Variants in RNF130 observed in about 807,000 individuals in gnomAD.
RNF130 encodes E3 ubiquitin-protein ligase RNF130.
Under a neutral mutation model 44.6 loss-of-function variants are expected in RNF130, and 21 were observed. The ratio of observed to expected loss-of-function variants is 0.47; its 90% CI spans 0.33 to 0.68. The LOEUF (loss-of-function observed/expected upper bound fraction) is 0.68, where lower values mean the gene tolerates loss of function less well. Among genes scored for constraint, RNF130 ranks in the 30% least tolerant of loss-of-function variants. RNF130 has a pLI of 0.02. For missense variants in RNF130, 479 were observed against 560.6 expected (o/e 0.85, Z 1.47); for synonymous variants, 214 against 210.4 (o/e 1.02, Z -0.15).
chr5:179,989,940 G>A (rs575412786), intron 3 of RNF130, among the ~76,000 whole-genome samples: 16 of 152,130 alleles, frequency 1.1e-4, no homozygotes, highest in Admixed American at 8.5e-4. Flanking sequence ...TCAACCTTTT[G>A]TTTCCATGTC....
At chr5:180,034,259 T>C (rs1764199561) in intron 2 of RNF130, among the ~76,000 whole-genome samples, 1 of 152,082 alleles carries the variant, frequency 6.6e-6, no homozygotes, top group Non-Finnish European at 1.5e-5. Context: ...CCATTTTATA[T>C]ATTACTAGAT....
At chr5:180,011,935 A>G (rs1346221617) in intron 3 of RNF130, among the ~76,000 whole-genome samples, 1 of 152,224 alleles carries the variant, frequency 6.6e-6, no homozygotes, top group Admixed American at 6.5e-5. Flanking sequence ...AATAAAAAAA[A>G]TTAAAAGTGC....
At chr5:180,006,807 C>T (rs934025960) in intron 3 of RNF130, among the ~76,000 whole-genome samples, 1 of 152,182 alleles carries the variant, frequency 6.6e-6, no homozygotes, top group African/African-American at 2.4e-5. Context: ...AGGTAACAAA[C>T]ATCTACCGTT....
chr5:179,934,983 A>T (rs1761867699), intron 7 of RNF130, among the ~76,000 whole-genome samples: 1 of 152,178 alleles, frequency 6.6e-6, no homozygotes, highest in African/African-American at 2.4e-5. Flanking sequence ...TCGAGATTTA[A>T]GGTCGCAGAT....
intron 2 of RNF130, among the ~76,000 whole-genome samples, chr5:180,022,876 A>G (rs1017765834): frequency 2.0e-5 from 3 of 152,222 alleles, no homozygotes; most frequent in African/African-American, 7.2e-5. Flanking sequence ...AGAATTTTAA[A>G]TGGGTGGGAA....
At position 180,071,673 on chromosome 5, in the gene RNF130, G is replaced by A. The variant is rs761151354; in HGVS notation, c.30C>T (p.Ala10=). The A allele has an allele frequency of 8.5e-6, 12 of 1,418,196 alleles. No individual in the cohort carries two copies. Among genetic ancestry groups the A allele is most frequent in the African/African-American group, 1.5e-5 (1 of 67,506 alleles). 87.9% of individuals were successfully genotyped at this position (1,418,196 alleles called of 1,614,324 possible). MSCAGRAGP[A]RLAALALLTC... ...TCAGCAGGGCGAGCGCGGCGAGCCG[G>A]GCAGGGCCCGCCCGCCCCGCGCAGC... Residue 10 remains alanine (A), a synonymous_variant, in exon 1 of 9, where the codon GCC becomes GCT. Transcript: ENST00000521389.
rs1234294533 is a variant in RNF130, at chr5:179,978,211, G to A, written c.840C>T (p.Leu280=). 5.0e-6 allele frequency: 8 copies of A among 1,612,174 alleles called. No homozygotes were observed. In the South Asian group the frequency reaches 5.5e-5, roughly 11 times the overall value. Residue 280 remains leucine, a synonymous_variant, in exon 5 of 9, where the codon CTC becomes CTT. Coordinates refer to ENST00000521389, the MANE Select transcript of RNF130 (RefSeq NM_018434.6). ...AAATGAAGTTGACATACTTGCAGGGGAGAATTCGGACGACATCATTCTGCT... is the reference window on the plus strand; with the variant it reads ...AAATGAAGTTGACATACTTGCAGGGAAGAATTCGGACGACATCATTCTGCT... ...SYKQNDVVRI[L]PCKHVFHKSC...
At chr5:180,005,791 C>T (rs141164790) in intron 3 of RNF130, among the ~76,000 whole-genome samples, 105 of 152,336 alleles carry the variant, frequency 6.9e-4, no homozygotes, top group African/African-American at 2.5e-3. Flanking sequence ...AGTATTTTGA[C>T]TGCATCTGTC....
rs990979798 is a variant in RNF130, at chr5:180,050,833, G to T, written c.248-10186C>A. 2.6e-5 allele frequency among the ~76,000 whole-genome samples: 4 copies of T among 152,184 alleles called. No individual in the cohort carries two copies. In the South Asian group the frequency reaches 8.3e-4, roughly 32 times the overall value. On this transcript the variant is annotated intron_variant, in intron 1 of 8. Transcript: ENST00000521389. ...TTTTTATTTTTATTTTTGGAGACAGGGTTTCACTCTGTCGCCCAGGGTGGA... is the reference window on the plus strand; with the variant it reads ...TTTTTATTTTTATTTTTGGAGACAGTGTTTCACTCTGTCGCCCAGGGTGGA...
chr5:180,065,914 T>C (rs1048746327), intron 1 of RNF130, among the ~76,000 whole-genome samples: 1 of 152,228 alleles, frequency 6.6e-6, no homozygotes, highest in African/African-American at 2.4e-5. Context: ...CTTTCAATTA[T>C]TGTCCAAATT....
intron 2 of RNF130, among the ~76,000 whole-genome samples, chr5:180,027,877 G>A (rs1321563305): frequency 1.3e-5 from 2 of 152,240 alleles, no homozygotes; most frequent in Non-Finnish European, 2.9e-5. Context: ...CTCTGTGGCT[G>A]CTGCCGGTGT....
chr5:180,046,352 A>C (rs1213418031), intron 1 of RNF130, among the ~76,000 whole-genome samples: 3 of 152,144 alleles, frequency 2.0e-5, no homozygotes, highest in Non-Finnish European at 2.9e-5. Flanking sequence ...GCGAGGAGGC[A>C]CCGAGAGCGA....
chr5:179,922,533 G>C (rs1012157053), intron 7 of RNF130, among the ~76,000 whole-genome samples: 3 of 151,696 alleles, frequency 2.0e-5, no homozygotes, highest in Non-Finnish European at 4.4e-5. Flanking sequence ...GGCTGGTCTC[G>C]AACTCCTGAG....
intron 2 of RNF130, among the ~76,000 whole-genome samples, chr5:180,020,457 C>G (rs1763845041): frequency 6.6e-6 from 1 of 152,186 alleles, no homozygotes; most frequent in African/African-American, 2.4e-5. Context: ...AAAGACCAAC[C>G]TGTAATTTTG....
chr5:180,045,213 T>C (rs780123315), intron 1 of RNF130, among the ~76,000 whole-genome samples: 1 of 152,220 alleles, frequency 6.6e-6, no homozygotes, highest in Non-Finnish European at 1.5e-5. Context: ...AAGAATAGTA[T>C]GTAAATATTT....
At chr5:179,992,876 C>A (rs1763118424) in intron 3 of RNF130, among the ~76,000 whole-genome samples, 1 of 152,130 alleles carries the variant, frequency 6.6e-6, no homozygotes, top group South Asian at 2.1e-4. Flanking sequence ...CCTCCCTCTT[C>A]CCCCCAACCC....
At chr5:179,936,302 A>C (rs2113679646) in intron 7 of RNF130, among the ~76,000 whole-genome samples, 1 of 152,164 alleles carries the variant, frequency 6.6e-6, no homozygotes, top group East Asian at 1.9e-4. Context: ...GGGTCTTGCT[A>C]TGTTGCCCAG....
At chr5:180,064,077 T>C (rs1765044340) in intron 1 of RNF130, among the ~76,000 whole-genome samples, 1 of 152,212 alleles carries the variant, frequency 6.6e-6, no homozygotes, top group Admixed American at 6.5e-5. Flanking sequence ...CACTATGAGC[T>C]AGGCAACGTA....
intron 1 of RNF130, among the ~76,000 whole-genome samples, chr5:180,066,481 G>C (rs1362083154): frequency 6.6e-6 from 1 of 152,102 alleles, no homozygotes; most frequent in African/African-American, 2.4e-5. Context: ...CCCAACATGA[G>C]GGACAAGAAC....
Sources: gnomAD v4.1 joint callset for allele counts (sites outside exome capture counted in the v4.1 genomes callset) on GRCh38, gnomAD v4.1.1 for gene constraint, MANE v1.5 for transcripts, NCBI Gene and HGNC (gene_info 2026-07-23, HGNC 2026-07-21) for gene names.